Variants in PHIP observed in about 807,000 individuals in gnomAD.
PHIP encodes PH-interacting protein.
A neutral mutation model predicts 236.8 loss-of-function variants in PHIP; 54 were observed. The observed-to-expected ratio is 0.23, with a 90% CI of 0.18 to 0.29. The LOEUF (loss-of-function observed/expected upper bound fraction) is 0.29, where lower values mean the gene tolerates loss of function less well. PHIP is among the 10% of genes least tolerant of loss of function. The probability of loss-of-function intolerance (pLI) is 1.00; values close to 1 mark genes in which losing one functional copy is unlikely to be tolerated. For synonymous variants in PHIP, 756 were observed against 718.9 expected (o/e 1.05, Z -0.83); for missense variants, 1,370 against 2,190.8 (o/e 0.63, Z 7.48).
At chr6:79,072,438 T>C (rs576093124) in intron 4 of PHIP, among the ~76,000 whole-genome samples, 33 of 152,294 alleles carry the variant, frequency 2.2e-4, no homozygotes, top group African/African-American at 7.9e-4. Flanking sequence ...TTTAGACCTG[T>C]TTCATCCTTG....
chr6:79,035,628 T>C (rs1771894835), intron 7 of PHIP, among the ~76,000 whole-genome samples: 1 of 152,208 alleles, frequency 6.6e-6, no homozygotes, highest in African/African-American at 2.4e-5. Context: ...TTGAGGCTAC[T>C]TTACAGCTTT....
At position 79,077,909 on chromosome 6, in the gene PHIP, G is replaced by A. The variant is rs1434114172; in HGVS notation, c.45C>T (p.Leu15=). The stretch of plus-strand genomic sequence containing the variant: ...CCAGGAACCGGGCGATGAGGAAGTA[G>A]AGCTCTGCGCGGGAGAGAGGGACGG... ...RKGLSELRSE[L]YFLIARFLED... Residue 15 remains leucine (L), a synonymous_variant, in exon 2 of 40, where the codon CTC becomes CTT. Transcript: ENST00000275034. 6.3e-7 allele frequency: 1 copy of A among 1,594,844 alleles called. No homozygotes were observed. The highest frequency in any genetic ancestry group is 8.5e-7 in the Non-Finnish European group (1 of 1,171,812).
chr6:79,030,677 G>A (rs1234325006), intron 7 of PHIP, among the ~76,000 whole-genome samples: 1 of 152,104 alleles, frequency 6.6e-6, no homozygotes, highest in Non-Finnish European at 1.5e-5. Context: ...AGAGGTTTAG[G>A]TTAGAGATAG....
intron 15 of PHIP, among the ~76,000 whole-genome samples, chr6:79,013,738 A>G (rs1367893085): frequency 1.3e-5 from 2 of 151,632 alleles, no homozygotes; most frequent in Non-Finnish European, 3.0e-5. Context: ...ATTATGGGAG[A>G]AAAGTTTCCC....
In PHIP at chr6:79,015,185, G is replaced by A. The variant is rs1274422943; in HGVS notation, c.1421C>T (p.Pro474Leu). Residue 474 changes from proline (P) to leucine (L), a missense_variant, in exon 15 of 40, where the codon CCA (proline) becomes CTA (leucine). Physicochemically the swap from Pro to Leu is moderately conservative, Grantham distance 98. This residue lies in a region of PHIP where 188 missense variants were observed against 354.3 expected (regional missense o/e 0.53). Coordinates refer to ENST00000275034, the MANE Select transcript of PHIP (RefSeq NM_017934.7). ...GAGAACTCTAGGATCGAACGGGTGT[G>A]GTTCAAGAACAAATACCTCATCTTC... ...GHEDEVFVLE[P>L]HPFDPRVLFS... 6.2e-7 allele frequency: 1 copy of A among 1,610,084 alleles called. No homozygotes were observed. The highest frequency in any genetic ancestry group is 2.2e-5 in the East Asian group (1 of 44,774).
At chr6:79,032,320 C>T (rs1414771470) in intron 7 of PHIP, among the ~76,000 whole-genome samples, 1 of 152,294 alleles carries the variant, frequency 6.6e-6, no homozygotes, top group Admixed American at 6.5e-5. Flanking sequence ...TTGGACTCTT[C>T]CTTTCACAAG....
chr6:79,035,332 C>A (rs550062099), intron 7 of PHIP, among the ~76,000 whole-genome samples: 44 of 152,224 alleles, frequency 2.9e-4, no homozygotes, highest in African/African-American at 1.0e-3. Context: ...ATAGTATTGG[C>A]TTCTAGTACA....
chr6:79,074,265 GA>G (rs1182337876), intron 4 of PHIP, among the ~76,000 whole-genome samples: 7 of 151,714 alleles, frequency 4.6e-5, no homozygotes, highest in African/African-American at 1.2e-4. Flanking sequence ...TTCTTGGGGG[GA>G]AAAAAGAGAA....
At chr6:78,982,765 G>C (rs1768622448) in intron 23 of PHIP, 121 bp downstream of exon 23, 1 of 628,430 alleles carries the variant, frequency 1.6e-6, no homozygotes, top group Non-Finnish European at 2.7e-6. Context: ...GTATTTCTGA[G>C]TTTTTTCTAT....
intron 4 of PHIP, among the ~76,000 whole-genome samples, chr6:79,072,615 T>C (rs55696019): frequency 0.11 from 16,118 of 151,960 alleles, 886 homozygotes; most frequent in Middle Eastern, 0.19. Context: ...TTCGGGGTAA[T>C]TGGGACTACA....
Position 78,946,147 on chromosome 6 carries a change from T to C in PHIP, c.4484A>G (p.Asn1495Ser). The change falls in exon 38 of 40, where the codon AAC becomes AGC. Residue 1495 changes from asparagine to serine, a missense_variant. Physicochemically the swap from Asn to Ser is conservative, Grantham distance 46 (BLOSUM62 1). Transcript: ENST00000275034. Reference sequence around the variant, plus strand: ...CACAGAACTAGATTCTGTTTTACCGTTTATCTGAGCAGCATTGTGTCTTGG... The same window carrying C: ...CACAGAACTAGATTCTGTTTTACCGCTTATCTGAGCAGCATTGTGTCTTGG... Reference protein sequence around the residue: ...IPPRHNAAQINGKTESSSVVR... With the variant: ...IPPRHNAAQISGKTESSSVVR... 6.2e-7 allele frequency: 1 copy of C among 1,614,100 alleles called. No homozygotes were observed. Among genetic ancestry groups the C allele is most frequent in the Non-Finnish European group, 8.5e-7 (1 of 1,179,978 alleles).
At chr6:78,961,584 G>A (rs547489354) in intron 31 of PHIP, 106 bp downstream of exon 31, 4 of 1,033,504 alleles carry the variant, frequency 3.9e-6, no homozygotes, top group African/African-American at 1.6e-5. Context: ...ATAATCTTAT[G>A]TGCATTCCTA....
rs773432600 is a variant in PHIP, at chr6:79,043,001, C to A, written c.442G>T (p.Asp148Tyr). The A allele has an allele frequency of 6.2e-7, 1 of 1,601,382 alleles. No individual in the cohort carries two copies. The highest frequency in any genetic ancestry group is 8.5e-7 in the Non-Finnish European group (1 of 1,175,250). The change falls in exon 7 of 40, where the codon GAT becomes TAT. Residue 148 changes from aspartate to tyrosine, a missense_variant and splice_region_variant. Transcript: ENST00000275034. ...TTCAGCTTCCTTGAAAACAGAGTAT[C>A]CGCTACCAAGAAAAAGAAGGAAAAT... ...VNYGSPPSIA[D>Y]TLFSRKLNGK...
intron 6 of PHIP, among the ~76,000 whole-genome samples, chr6:79,050,010 A>G (rs1326349509): frequency 2.6e-5 from 4 of 152,300 alleles, no homozygotes; most frequent in African/African-American, 9.6e-5. Context: ...TTCTAACAGA[A>G]GTTACGTTAA....
At chr6:78,989,100 A>AC (rs1554201577) in intron 20 of PHIP, among the ~76,000 whole-genome samples, 4 of 151,636 alleles carry the variant, frequency 2.6e-5, no homozygotes, top group Non-Finnish European at 4.4e-5. Context: ...AACACAAAAA[A>AC]CTTAATAAAG....
intron 19 of PHIP, among the ~76,000 whole-genome samples, chr6:78,996,678 A>G (rs1000227296): frequency 7.2e-5 from 11 of 152,180 alleles, no homozygotes; most frequent in African/African-American, 2.7e-4. Context: ...TGTCCAATCA[A>G]AAAGCATAAT....
intron 7 of PHIP, among the ~76,000 whole-genome samples, chr6:79,033,514 T>C (rs1366728998): frequency 6.6e-6 from 1 of 152,228 alleles, no homozygotes; most frequent in Admixed American, 6.5e-5. Flanking sequence ...AGATGGCTTT[T>C]TTCCTTAAAC....
chr6:79,019,192 C>T (rs1562183724), intron 9 of PHIP, 33 bp from the exon 10 acceptor site: 1 of 1,421,616 alleles, frequency 7.0e-7, no homozygotes, highest in South Asian at 1.2e-5. Context: ...TTAAAAATAT[C>T]CTAAAGGAAC....
intron 7 of PHIP, among the ~76,000 whole-genome samples, chr6:79,033,768 T>C (rs1340881380): frequency 1.3e-5 from 2 of 152,216 alleles, no homozygotes; most frequent in Non-Finnish European, 2.9e-5. Flanking sequence ...CAAGAACTTT[T>C]GCTTTACATT....
Sources: allele counts gnomAD v4.1 joint callset (sites outside exome capture counted in the v4.1 genomes callset), GRCh38; gene constraint gnomAD v4.1.1; regional missense constraint gnomAD v4.1.1; transcripts MANE v1.5; gene names NCBI Gene and HGNC (gene_info 2026-07-23, HGNC 2026-07-21).